SPATA13: variants seen among roughly 807,000 people sequenced by gnomAD.
SPATA13 encodes spermatogenesis associated 13.
In SPATA13, 50 loss-of-function variants were observed where a neutral mutation model predicts 104.0. That is an observed-to-expected ratio of 0.48 (90% CI 0.38 to 0.61). The LOEUF (loss-of-function observed/expected upper bound fraction) is 0.61. SPATA13 is among the 20% of genes least tolerant of loss of function. SPATA13 has a pLI of 0.00. For missense variants in SPATA13, 1,524 were observed against 1,690.6 expected, an observed-to-expected ratio of 0.90 and a Z score of 1.73; for synonymous variants, 606 against 667.5, an observed-to-expected ratio of 0.91 and a Z score of 1.42.
rs750379282 is a variant in SPATA13, at chr13:24,302,626, G to C, written c.3687G>C (p.Pro1229=). The C allele has an allele frequency of 1.1e-5, 18 of 1,611,674 alleles. No individual in the cohort carries two copies. Among genetic ancestry groups the C allele is most frequent in the Non-Finnish European group, 1.5e-5 (18 of 1,178,632 alleles). ...ACAACAGGTGCCCTGTGGCCCCACC[G>C]CACCAGGGCCTGCACCCCATCCACC... ...KGYNRCPVAP[P]HQGLHPIHQR... The change falls in exon 13 of 13, where the codon CCG becomes CCC. Residue 1229 remains proline (P), a synonymous_variant. Coordinates refer to ENST00000382108, the MANE Select transcript of SPATA13 (RefSeq NM_001166271.3).
intron 1 of SPATA13, among the ~76,000 whole-genome samples, chr13:24,187,430 G>A (rs929715169): frequency 1.3e-5 from 2 of 152,044 alleles, no homozygotes; most frequent in African/African-American, 4.8e-5. Context: ...GTTTGACAGG[G>A]ATGTGGAAAA....
intron 1 of SPATA13, among the ~76,000 whole-genome samples, chr13:24,204,625 A>T (rs958528878): frequency 5.3e-5 from 8 of 152,160 alleles, no homozygotes; most frequent in African/African-American, 1.9e-4. Context: ...CCCAGACCCC[A>T]GAAATTACTG....
intron 2 of SPATA13, among the ~76,000 whole-genome samples, chr13:24,008,503 G>A (rs574968724): frequency 6.6e-6 from 1 of 152,122 alleles, no homozygotes; most frequent in Non-Finnish European, 1.5e-5. Flanking sequence ...TCTCCAGGTG[G>A]ACGGTCTTGT....
intron 3 of SPATA13, among the ~76,000 whole-genome samples, chr13:24,035,765 G>A (rs954916663): frequency 6.6e-6 from 1 of 152,126 alleles, no homozygotes; most frequent in Non-Finnish European, 1.5e-5. Context: ...TGTTCTCCCA[G>A]CACTTTAGGA....
At chr13:24,093,369 C>A (rs1879969606) in intron 3 of SPATA13, among the ~76,000 whole-genome samples, 1 of 152,238 alleles carries the variant, frequency 6.6e-6, no homozygotes, top group Non-Finnish European at 1.5e-5. Flanking sequence ...AGCTTGCAAA[C>A]ACTCTATCAC....
chr13:24,249,344 TA>T, intron 2 of SPATA13, 132 bp from the exon 3 acceptor site: 1 of 1,146,472 alleles, frequency 8.7e-7, no homozygotes, highest in Non-Finnish European at 1.2e-6. Flanking sequence ...AGTACACAAA[TA>T]ACTGTTTTAA....
chr13:24,197,358 T>G (rs976308166), intron 1 of SPATA13, among the ~76,000 whole-genome samples: 3 of 152,212 alleles, frequency 2.0e-5, no homozygotes, highest in African/African-American at 4.8e-5. Flanking sequence ...AAAGTACAAC[T>G]TTCAAATTGT....
At chr13:24,015,648 A>G (rs1876672307) in intron 2 of SPATA13, among the ~76,000 whole-genome samples, 1 of 152,180 alleles carries the variant, frequency 6.6e-6, no homozygotes, top group Non-Finnish European at 1.5e-5. Context: ...TTCATCCCAG[A>G]AGGTTTTTCC....
intron 2 of SPATA13, among the ~76,000 whole-genome samples, chr13:24,007,353 T>C (rs746948789): frequency 1.3e-5 from 2 of 152,160 alleles, no homozygotes; most frequent in Non-Finnish European, 2.9e-5. Context: ...GTGGGTGTCA[T>C]GTCTGTGGTC....
chr13:24,300,829 T>C (rs1877132552), intron 12 of SPATA13, among the ~76,000 whole-genome samples: 1 of 152,194 alleles, frequency 6.6e-6, no homozygotes. Context: ...CCAAGGACTC[T>C]TGCATCTTTT....
intron 3 of SPATA13, among the ~76,000 whole-genome samples, chr13:24,061,549 T>C (rs1158044616): frequency 6.6e-6 from 1 of 152,130 alleles, no homozygotes; most frequent in African/African-American, 2.4e-5. Flanking sequence ...TAACAAAGAA[T>C]GAGATTGTGT....
intron 4 of SPATA13, chr13:24,271,021 A>ATT: frequency 1.6e-6 from 1 of 606,258 alleles, no homozygotes; most frequent in South Asian, 1.8e-5. Context: ...ACTCTCTCTC[A>ATT]CTCTCTCTCT....
chr13:24,254,150 G>A (rs1873659150), intron 4 of SPATA13, among the ~76,000 whole-genome samples: 1 of 152,016 alleles, frequency 6.6e-6, no homozygotes, highest in Non-Finnish European at 1.5e-5. Context: ...TTTTCCCAGT[G>A]GTACGAAGAG....
intron 11 of SPATA13, among the ~76,000 whole-genome samples, chr13:24,299,275 C>T (rs1016146112): frequency 6.6e-6 from 1 of 152,160 alleles, no homozygotes; most frequent in African/African-American, 2.4e-5. Context: ...AGGAGGGGCC[C>T]GATGTGGTGC....
chr13:24,018,541 T>C (rs142477684), intron 3 of SPATA13, among the ~76,000 whole-genome samples: 4 of 152,216 alleles, frequency 2.6e-5, no homozygotes, highest in Non-Finnish European at 5.9e-5. Context: ...ATAATTTAAT[T>C]TGAGATTATG....
intron 3 of SPATA13, among the ~76,000 whole-genome samples, chr13:24,149,051 G>A (rs1000427594): frequency 5.9e-5 from 9 of 152,298 alleles, no homozygotes; most frequent in South Asian, 2.1e-4. Flanking sequence ...TGAATGTCAC[G>A]GTAAACTTAT....
chr13:24,095,306 C>T (rs1408764981), intron 3 of SPATA13, among the ~76,000 whole-genome samples: 1 of 152,154 alleles, frequency 6.6e-6, no homozygotes, highest in Non-Finnish European at 1.5e-5. Context: ...GTGAAATAAG[C>T]CAGTCACAAA....
At chr13:24,050,410 A>T (rs1337420986) in intron 3 of SPATA13, among the ~76,000 whole-genome samples, 1 of 152,144 alleles carries the variant, frequency 6.6e-6, no homozygotes, top group Non-Finnish European at 1.5e-5. Context: ...TATCCTTGTT[A>T]TAAGAGGAGA....
intron 1 of SPATA13, among the ~76,000 whole-genome samples, chr13:24,181,035 G>GT (rs1253831222): frequency 5.9e-5 from 9 of 152,262 alleles, no homozygotes; most frequent in Non-Finnish European, 1.2e-4. Context: ...TAACACAATG[G>GT]TAAGTGTTTC....
Sources: allele counts gnomAD v4.1 joint callset (sites outside exome capture counted in the v4.1 genomes callset), GRCh38; gene constraint gnomAD v4.1.1; transcripts MANE v1.5; gene names NCBI Gene and HGNC (gene_info 2026-07-23, HGNC 2026-07-21).